Variants in PANX1 observed in about 807,000 individuals in gnomAD.
The protein encoded by PANX1 is pannexin-1.
In PANX1, 30 loss-of-function variants were observed where a neutral mutation model predicts 38.7. The observed-to-expected ratio is 0.78, with a 90% CI of 0.58 to 1.05. PANX1 has a LOEUF of 1.05. PANX1 is among the 50% of genes least tolerant of loss of function. The pLI is 0.00. For synonymous variants in PANX1, 230 were observed against 212.2 expected (o/e 1.08, Z -0.73); for missense variants, 551 against 517.2 (o/e 1.07, Z -0.63).
intron 1 of PANX1, among the ~76,000 whole-genome samples, chr11:94,140,873 A>G (rs1277831337): frequency 1.3e-5 from 2 of 152,190 alleles, no homozygotes; most frequent in African/African-American, 4.8e-5. Flanking sequence ...TATGAAAAAT[A>G]ATTATAAAAC....
intron 3 of PANX1, among the ~76,000 whole-genome samples, chr11:94,179,365 A>G (rs949895710): frequency 6.6e-6 from 1 of 152,216 alleles, no homozygotes; most frequent in African/African-American, 2.4e-5. Flanking sequence ...AAAAATTTCC[A>G]AATATTAACT....
intron 1 of PANX1, among the ~76,000 whole-genome samples, chr11:94,151,015 T>C (rs1565376809): frequency 1.3e-5 from 2 of 151,998 alleles, no homozygotes; most frequent in African/African-American, 4.8e-5. Flanking sequence ...CTAGCTTGGG[T>C]AGGGGATTAC....
chr11:94,179,434 T>C lies in PANX1; in HGVS notation c.546-168T>C, dbSNP rs567835500. ...AGGGGAAAAGCATTTTATTATTCCT[T>C]TTCTTCCTCCTCTTTTAAACGGATT... is the stretch of plus-strand genomic sequence containing the variant. On this transcript the variant is annotated intron_variant, in intron 3 of 4. Transcript: ENST00000227638. 2.6e-3 allele frequency among the ~76,000 whole-genome samples: 400 copies of C among 152,320 alleles called. 2 individuals carry two copies. Among genetic ancestry groups the C allele is most frequent in the Non-Finnish European group, 4.1e-3 (280 of 68,024 alleles).
chr11:94,143,358 A>G (rs1054473252), intron 1 of PANX1, among the ~76,000 whole-genome samples: 4 of 152,218 alleles, frequency 2.6e-5, no homozygotes, highest in African/African-American at 9.7e-5. Flanking sequence ...GGGTAAACAA[A>G]TAAATATGAA....
chr11:94,146,134 G>C (rs1946826837), intron 1 of PANX1, among the ~76,000 whole-genome samples: 1 of 152,192 alleles, frequency 6.6e-6, no homozygotes, highest in African/African-American at 2.4e-5. Context: ...AGGATCCATG[G>C]GACTGCTCAG....
Position 94,179,989 on chromosome 11 carries a change from C to G in PANX1, c.933C>G (p.Ile311Met). Residue 311 changes from isoleucine (I) to methionine (M), a missense_variant, in exon 4 of 5, where the codon ATC (isoleucine) becomes ATG (methionine). By Grantham distance (10) the Ile-to-Met change is conservative. Coordinates refer to ENST00000227638, the MANE Select transcript of PANX1 (RefSeq NM_015368.4). Reference protein sequence around the residue: ...QKTDVLKVYEILPTFDVLHFK... With the variant: ...QKTDVLKVYEMLPTFDVLHFK... The stretch of plus-strand genomic sequence containing the variant: ...CAGATGTTCTCAAAGTGTACGAAAT[C>G]CTCCCCACTTTTGATGTTCTGCATT... 6.3e-7 allele frequency: 1 copy of G among 1,595,082 alleles called. No individual in the cohort carries two copies. The highest frequency in any genetic ancestry group is 8.6e-7 in the Non-Finnish European group (1 of 1,167,742).
intron 2 of PANX1, among the ~76,000 whole-genome samples, chr11:94,177,789 G>C (rs1947252175): frequency 6.6e-6 from 1 of 151,932 alleles, no homozygotes. Flanking sequence ...GTGTTGGACT[G>C]CCTTCAAAGT....
chr11:94,137,306 A>C (rs541410029), intron 1 of PANX1, among the ~76,000 whole-genome samples: 1 of 152,234 alleles, frequency 6.6e-6, no homozygotes, highest in African/African-American at 2.4e-5. Context: ...CCTTCTCAAA[A>C]TATATAGACA....
intron 2 of PANX1, among the ~76,000 whole-genome samples, chr11:94,161,917 T>G (rs186844464): frequency 6.6e-6 from 1 of 152,328 alleles, no homozygotes; most frequent in African/African-American, 2.4e-5. Context: ...TCCTTTCTCT[T>G]TGTTAGTTTT....
intron 2 of PANX1, among the ~76,000 whole-genome samples, chr11:94,165,128 GC>G (rs1947088579): frequency 6.6e-6 from 1 of 151,980 alleles, no homozygotes; most frequent in Non-Finnish European, 1.5e-5. Flanking sequence ...TATCCAGTGA[GC>G]CATTCTTTCT....
At chr11:94,133,609 C>T (rs1946655475) in intron 1 of PANX1, among the ~76,000 whole-genome samples, 2 of 152,158 alleles carry the variant, frequency 1.3e-5, no homozygotes, top group African/African-American at 4.8e-5. Flanking sequence ...CTGGTTAGGC[C>T]TGATACTTCT....
chr11:94,143,635 C>T (rs1946790628), intron 1 of PANX1, among the ~76,000 whole-genome samples: 1 of 152,032 alleles, frequency 6.6e-6, no homozygotes, highest in African/African-American at 2.4e-5. Flanking sequence ...TCTATTGAAT[C>T]TAATAGAATC....
At chr11:94,146,514 C>T (rs1946830433) in intron 1 of PANX1, among the ~76,000 whole-genome samples, 1 of 152,202 alleles carries the variant, frequency 6.6e-6, no homozygotes, top group African/African-American at 2.4e-5. Flanking sequence ...GCAGGCAGCA[C>T]CTTGACTAAG....
intron 2 of PANX1, among the ~76,000 whole-genome samples, chr11:94,170,752 CAT>C (rs1648157151): frequency 6.6e-6 from 1 of 151,696 alleles, no homozygotes; most frequent in South Asian, 2.1e-4. Flanking sequence ...AGATTTCAGA[CAT>C]GTTTCCCATG....
At chr11:94,156,232 C>T (rs900341629) in intron 2 of PANX1, among the ~76,000 whole-genome samples, 3 of 152,182 alleles carry the variant, frequency 2.0e-5, no homozygotes, top group African/African-American at 7.2e-5. Context: ...GATCTTCAGA[C>T]TTCTAGCCCA....
chr11:94,153,679 A>C, intron 2 of PANX1, 49 bp downstream of exon 2: 1 of 1,563,850 alleles, frequency 6.4e-7, no homozygotes, highest in South Asian at 1.1e-5. Flanking sequence ...ATAGATAAGG[A>C]AACTAAAGCC....
intron 1 of PANX1, among the ~76,000 whole-genome samples, chr11:94,133,830 G>C (rs1400721839): frequency 6.6e-6 from 1 of 152,196 alleles, no homozygotes; most frequent in Non-Finnish European, 1.5e-5. Flanking sequence ...CTCAACAAGT[G>C]CTCCATAGGA....
intron 1 of PANX1, among the ~76,000 whole-genome samples, chr11:94,144,919 G>C (rs1250287358): frequency 2.0e-5 from 3 of 152,078 alleles, no homozygotes; most frequent in Admixed American, 2.0e-4. Context: ...TCTTTTACTA[G>C]GTTGAATGAG....
At chr11:94,132,941 T>C (rs1343425653) in intron 1 of PANX1, among the ~76,000 whole-genome samples, 1 of 152,174 alleles carries the variant, frequency 6.6e-6, no homozygotes. Context: ...GGGAGTGTTG[T>C]AGGTTAGAGA....
Sources: allele counts gnomAD v4.1 joint callset (sites outside exome capture counted in the v4.1 genomes callset), GRCh38; gene constraint gnomAD v4.1.1; transcripts MANE v1.5; gene names NCBI Gene and HGNC (gene_info 2026-07-23, HGNC 2026-07-21).